Variants in SEC24D observed in about 807,000 individuals in gnomAD.
The protein encoded by SEC24D is SEC24 homolog D, COPII component.
In SEC24D, 69 loss-of-function variants were observed where a neutral mutation model predicts 116.9. The ratio of observed to expected loss-of-function variants is 0.59; its 90% CI spans 0.49 to 0.72. The LOEUF (loss-of-function observed/expected upper bound fraction) is 0.72. Ranked by LOEUF, SEC24D falls within the 30% of genes least tolerant of loss-of-function variation. The pLI, the probability that SEC24D is intolerant of heterozygous loss-of-function variation, is 0.00. For synonymous variants in SEC24D, 405 were observed against 442.8 expected (o/e 0.91, Z 1.07); for missense variants, 1,131 against 1,264.1 (o/e 0.89, Z 1.60).
intron 8 of SEC24D, among the ~76,000 whole-genome samples, chr4:118,775,179 C>T (rs1728072602): frequency 1.3e-5 from 2 of 152,080 alleles, no homozygotes; most frequent in Admixed American, 1.3e-4. Context: ...CGACTACATT[C>T]TCAAATCCAT....
chr4:118,739,374 T>C (rs1302437050), intron 17 of SEC24D, 87 bp from the exon 18 acceptor site: 4 of 1,239,466 alleles, frequency 3.2e-6, no homozygotes, highest in Non-Finnish European at 4.5e-6. Flanking sequence ...TACAAAACAC[T>C]GTGTACAGAT....
Position 118,822,587 on chromosome 4 carries a change from C to T in SEC24D, c.248+2033G>A, listed in dbSNP as rs1730444062. ...GGAAGTTTACAACAATTTTTTTTGC[C>T]TTGAGACAGGGTCTCCCTCTGTCAC... On this transcript the variant is annotated intron_variant, in intron 3 of 22. Coordinates refer to ENST00000280551, the MANE Select transcript of SEC24D (RefSeq NM_014822.4). Among the ~76,000 whole-genome samples the T allele has an allele frequency of 2.0e-5, 3 of 151,944 alleles. No homozygotes were observed. The South Asian group carries it at 6.2e-4, about 32-fold the overall frequency.
At chr4:118,823,036 A>C (rs1319645055) in intron 3 of SEC24D, among the ~76,000 whole-genome samples, 1 of 152,080 alleles carries the variant, frequency 6.6e-6, no homozygotes, top group Non-Finnish European at 1.5e-5. Context: ...TCATTTTACA[A>C]GTGAAAATGA....
At chr4:118,756,911 C>T (rs1329043984) in intron 11 of SEC24D, among the ~76,000 whole-genome samples, 2 of 152,172 alleles carry the variant, frequency 1.3e-5, no homozygotes, top group South Asian at 4.2e-4. Flanking sequence ...TTCCAAATAC[C>T]GCTCTTAAAA....
intron 3 of SEC24D, among the ~76,000 whole-genome samples, chr4:118,823,715 T>C (rs1020855425): frequency 1.3e-5 from 2 of 152,370 alleles, no homozygotes; most frequent in African/African-American, 4.8e-5. Flanking sequence ...CTGCAGGCTC[T>C]AAATATTTCA....
Position 118,739,169 on chromosome 4 carries a change from A to C in SEC24D, c.2357T>G (p.Ile786Ser). The change falls in exon 18 of 23, where the codon ATC (isoleucine) becomes AGC (serine). Residue 786 changes from isoleucine to serine, a missense_variant. By Grantham distance (142) the Ile-to-Ser change is moderately radical (BLOSUM62 -2). Transcript: ENST00000280551. ...GTTACCTGACTTGGCAAAGAAGTTG[A>C]TAAGAGCATCTGTCTCACAGCTCTT... Reference protein sequence around the residue: ...LYKSCETDALINFFAKSAFKA... With the variant: ...LYKSCETDALSNFFAKSAFKA... 3.1e-6 allele frequency: 5 copies of C among 1,613,592 alleles called. No homozygotes were observed. Among genetic ancestry groups the C allele is most frequent in the Non-Finnish European group, 4.2e-6 (5 of 1,179,630 alleles).
At chr4:118,760,138 C>A (rs1727299605) in intron 10 of SEC24D, among the ~76,000 whole-genome samples, 1 of 152,142 alleles carries the variant, frequency 6.6e-6, no homozygotes, top group African/African-American at 2.4e-5. Context: ...TCCTCAATTT[C>A]TCTCTTTTTC....
chr4:118,739,962 T>C (rs1560616831), intron 17 of SEC24D, among the ~76,000 whole-genome samples: 1 of 152,176 alleles, frequency 6.6e-6, no homozygotes, highest in African/African-American at 2.4e-5. Context: ...CTTAACATCG[T>C]ATTACGGGCT....
chr4:118,819,754 A>G (rs1165024763), intron 3 of SEC24D, among the ~76,000 whole-genome samples: 1 of 152,202 alleles, frequency 6.6e-6, no homozygotes, highest in Non-Finnish European at 1.5e-5. Context: ...ACTTTTAAAT[A>G]TACAGTTCTG....
At position 118,791,577 on chromosome 4, in the gene SEC24D, C is replaced by G. The variant is rs113326560; in HGVS notation, c.1041+6106G>C. ...CCACGGTCTCCCTCTGATGCCGAGC[C>G]GAGACTGGACTGTACTGCCGCCATC... On this transcript the variant is annotated intron_variant, in intron 8 of 22. Coordinates refer to ENST00000280551, the MANE Select transcript of SEC24D (RefSeq NM_014822.4). Among the ~76,000 whole-genome samples, 1,473 of 152,244 alleles carry G rather than the reference C, an allele frequency of 9.7e-3. 20 individuals carry two copies. The highest frequency in any genetic ancestry group is 0.031 in the African/African-American group (1,270 of 41,538).
Position 118,768,318 on chromosome 4 carries a change from A to T in SEC24D, c.1042-7T>A, listed in dbSNP as rs1727739622. On this transcript the variant is annotated splice_region_variant and splice_polypyrimidine_tract_variant and intron_variant, in intron 8 of 22. Coordinates refer to ENST00000280551, the MANE Select transcript of SEC24D (RefSeq NM_014822.4). ...TTACCAAGTAAAGGGGACTCTATGG[A>T]GAAGCAAGAAAAATTAAATGAACAG... 6.2e-7 allele frequency: 1 copy of T among 1,606,826 alleles called. No homozygotes were observed. Among genetic ancestry groups the T allele is most frequent in the East Asian group, 2.2e-5 (1 of 44,802 alleles).
chr4:118,740,278 C>A (rs1283782556), intron 17 of SEC24D, among the ~76,000 whole-genome samples: 4 of 152,130 alleles, frequency 2.6e-5, no homozygotes, highest in Admixed American at 2.0e-4. Flanking sequence ...AAATAAATTT[C>A]TGTTGTTTAA....
intron 14 of SEC24D, among the ~76,000 whole-genome samples, 184 bp from the exon 15 acceptor site, chr4:118,744,342 C>T (rs1726388811): frequency 6.6e-6 from 1 of 152,176 alleles, no homozygotes; most frequent in South Asian, 2.1e-4. Context: ...ACCTGCTGAG[C>T]ACCCAGTCTG....
chr4:118,749,374 T>C (rs908118986), intron 13 of SEC24D, among the ~76,000 whole-genome samples: 1 of 152,236 alleles, frequency 6.6e-6, no homozygotes, highest in Non-Finnish European at 1.5e-5. Flanking sequence ...GTCTACTGTT[T>C]GCTTCAAGAA....
chr4:118,790,366 C>T (rs1255834557), intron 8 of SEC24D, among the ~76,000 whole-genome samples: 2 of 152,088 alleles, frequency 1.3e-5, no homozygotes, highest in Non-Finnish European at 2.9e-5. Context: ...TAAACATTTC[C>T]TATTTTAGAG....
At chr4:118,781,222 G>GT (rs1728396725) in intron 8 of SEC24D, among the ~76,000 whole-genome samples, 1 of 152,112 alleles carries the variant, frequency 6.6e-6, no homozygotes, top group Non-Finnish European at 1.5e-5. Context: ...GCAGTGGCTG[G>GT]TATCTGTTGT....
chr4:118,779,750 G>T (rs1728311277), intron 8 of SEC24D, among the ~76,000 whole-genome samples: 1 of 152,124 alleles, frequency 6.6e-6, no homozygotes, highest in African/African-American at 2.4e-5. Flanking sequence ...TTTTTGGTTG[G>T]TAGGCTATTG....
At chr4:118,784,358 T>C (rs556169682) in intron 8 of SEC24D, among the ~76,000 whole-genome samples, 6 of 152,358 alleles carry the variant, frequency 3.9e-5, no homozygotes, top group Non-Finnish European at 7.3e-5. Context: ...TTTCTATGCT[T>C]TTCTGTAAGA....
chr4:118,732,884 A>G lies in SEC24D; in HGVS notation c.2525T>C (p.Leu842Ser). The G allele has an allele frequency of 6.2e-7, 1 of 1,613,854 alleles. No individual in the cohort carries two copies. The highest frequency in any genetic ancestry group is 8.5e-7 in the Non-Finnish European group (1 of 1,179,858). The change falls in exon 20 of 23, where the codon TTG (leucine) becomes TCG (serine). Residue 842 changes from leucine (L) to serine (S), a missense_variant. Coordinates refer to ENST00000280551, the MANE Select transcript of SEC24D (RefSeq NM_014822.4). ...CAACAAGCAATTCATGTACACTGGCAATACTTTCATGGAATCTGGTAGAAT... is the reference window on the plus strand; with the variant it reads ...CAACAAGCAATTCATGTACACTGGCGATACTTTCATGGAATCTGGTAGAAT... Reference protein sequence around the residue: ...QLILPDSMKVLPVYMNCLLKN... With the variant: ...QLILPDSMKVSPVYMNCLLKN...
Sources: gnomAD v4.1 joint callset for allele counts (sites outside exome capture counted in the v4.1 genomes callset) on GRCh38, gnomAD v4.1.1 for gene constraint, MANE v1.5 for transcripts, NCBI Gene and HGNC (gene_info 2026-07-23, HGNC 2026-07-21) for gene names.